Variants in CPNE2 observed in about 807,000 individuals in gnomAD.
CPNE2 encodes the protein copine-2.
A neutral mutation model predicts 69.7 loss-of-function variants in CPNE2; 42 were observed. That is an observed-to-expected ratio of 0.60 (90% CI 0.47 to 0.78). CPNE2 has a LOEUF of 0.78. Among genes scored for constraint, CPNE2 ranks in the 30% least tolerant of loss-of-function variants. The probability of loss-of-function intolerance (pLI) is 0.00; values close to 1 mark genes in which losing one functional copy is unlikely to be tolerated. For synonymous variants in CPNE2, 294 were observed against 289.8 expected (o/e 1.01, Z -0.15); for missense variants, 587 against 732.0 (o/e 0.80, Z 2.29).
At chr16:57,115,887 C>T (rs528705513) in intron 4 of CPNE2, among the ~76,000 whole-genome samples, 30 of 152,364 alleles carry the variant, frequency 2.0e-4, no homozygotes, top group African/African-American at 7.0e-4. Context: ...TGCGCAACGA[C>T]TCCCGCGATG....
At chr16:57,114,610 A>T (rs2069704257) in intron 3 of CPNE2, among the ~76,000 whole-genome samples, 1 of 152,182 alleles carries the variant, frequency 6.6e-6, no homozygotes, top group African/African-American at 2.4e-5. Context: ...GGACTAGATC[A>T]TACTGATGTG....
rs118152896 is a variant in CPNE2, at chr16:57,112,025, G to A, written c.180+1103G>A. On this transcript the variant is annotated intron_variant, in intron 2 of 15. Coordinates refer to ENST00000290776, the MANE Select transcript of CPNE2 (RefSeq NM_152727.6). ...TCCAGCCTTCCAGATGGCTTTATAT[G>A]CATGTATATTTCCCAAAATATGTGT... 6.8e-3 allele frequency among the ~76,000 whole-genome samples: 1,043 copies of A among 152,298 alleles called. 4 individuals are homozygous for A. Among genetic ancestry groups the A allele is most frequent in the Non-Finnish European group, 9.4e-3 (636 of 68,020 alleles).
chr16:57,109,752 T>C (rs2069669082), intron 1 of CPNE2, among the ~76,000 whole-genome samples: 1 of 152,228 alleles, frequency 6.6e-6, no homozygotes, highest in Admixed American at 6.5e-5. Context: ...CTGGCTTCTT[T>C]ACTGCAGCCT....
intron 1 of CPNE2, among the ~76,000 whole-genome samples, chr16:57,101,055 A>G (rs2069610004): frequency 6.6e-6 from 1 of 152,194 alleles, no homozygotes; most frequent in South Asian, 2.1e-4. Flanking sequence ...CTTACCCTCC[A>G]TTATGTGTGG....
In CPNE2 at chr16:57,134,807, C is replaced by T. The variant is rs747706229; in HGVS notation, c.1149C>T (p.Pro383=). 1.2e-6 allele frequency: 2 copies of T among 1,613,978 alleles called. No individual in the cohort carries two copies. Among genetic ancestry groups the T allele is most frequent in the Non-Finnish European group, 1.7e-6 (2 of 1,179,936 alleles). ...ATGAGTTTGCCATCAACTTCAACCC[C>T]ACCAACCCCTTCTGCTCAGGTGAGT... The part of the protein sequence containing the change: ...VSHEFAINFN[P]TNPFCSGVDG... Residue 383 remains proline (P), a synonymous_variant, in exon 13 of 16, where the codon CCC becomes CCT. Coordinates refer to ENST00000290776, the MANE Select transcript of CPNE2 (RefSeq NM_152727.6).
At chr16:57,122,344 C>T (rs1453601909) in intron 9 of CPNE2, among the ~76,000 whole-genome samples, 6 of 152,200 alleles carry the variant, frequency 3.9e-5, no homozygotes, top group South Asian at 2.1e-4. Flanking sequence ...GGAGTCTGGC[C>T]GCTGCTCTCC....
chr16:57,112,151 G>A (rs1039062513), intron 2 of CPNE2, among the ~76,000 whole-genome samples: 1 of 152,192 alleles, frequency 6.6e-6, no homozygotes, highest in African/African-American at 2.4e-5. Context: ...TTCTTGTGAT[G>A]CCAAGAAAAC....
At chr16:57,119,127 C>T in intron 5 of CPNE2, 68 bp from the exon 6 acceptor site, 2 of 1,390,426 alleles carry the variant, frequency 1.4e-6, no homozygotes, top group South Asian at 2.4e-5. Context: ...GCAGCAGGGC[C>T]ACACCCCCAT....
chr16:57,128,413 T>G (rs1229992564), intron 12 of CPNE2, among the ~76,000 whole-genome samples: 3 of 152,010 alleles, frequency 2.0e-5, no homozygotes, highest in African/African-American at 7.3e-5. Context: ...GTATTTTTAG[T>G]AGAGAGTTTT....
Position 57,146,416 on chromosome 16 carries a change from A to G in CPNE2, c.1539+95A>G, listed in dbSNP as rs1452806991. On this transcript the variant is annotated intron_variant, in intron 15 of 15. Transcript: ENST00000290776. This position sits in a 1 kb window ranked among gnomAD's most constrained non-coding sequence, Gnocchi z 4.4. ...GAGAGTCTTGGGGTTGTCTGGCCCA[A>G]TCCTAGACTTCTCCACTCCATTGAC... 2 of 1,059,550 alleles carry G rather than the reference A, an allele frequency of 1.9e-6. No individual in the cohort carries two copies. The highest frequency in any genetic ancestry group is 1.6e-5 in the African/African-American group (1 of 63,124). The allele number at this position is 1,059,550 out of a possible 1,614,324, so 65.6% of individuals were successfully genotyped here. A position where few individuals can be genotyped will look rare whatever the true frequency, so the allele number is the denominator to read the frequency against.
rs904771544 is a variant in CPNE2, at chr16:57,146,663, G to A, written c.1539+342G>A. 1 of 242,340 alleles carries A rather than the reference G, an allele frequency of 4.1e-6. No homozygotes were observed. The highest frequency in any genetic ancestry group is 8.1e-6 in the Non-Finnish European group (1 of 123,782). The allele number at this position is 242,340 out of a possible 1,614,324, so 15.0% of individuals were successfully genotyped here. A position where few individuals can be genotyped will look rare whatever the true frequency, so the allele number is the denominator to read the frequency against. On this transcript the variant is annotated intron_variant, in intron 15 of 15. Coordinates refer to ENST00000290776, the MANE Select transcript of CPNE2 (RefSeq NM_152727.6). This position sits in a 1 kb window ranked among gnomAD's most constrained non-coding sequence, Gnocchi z 4.4. ...CCATGTGGTGTAAAGTGCAGGAGGAGAGAGGGGTTTTCCTGATCATCACGC... is the reference window on the plus strand; with the variant it reads ...CCATGTGGTGTAAAGTGCAGGAGGAAAGAGGGGTTTTCCTGATCATCACGC...
At chr16:57,110,978 G>C (rs1371012871) in intron 2 of CPNE2, 56 bp downstream of exon 2, 2 of 1,526,998 alleles carry the variant, frequency 1.3e-6, no homozygotes, top group Non-Finnish European at 8.9e-7. Context: ...CTGCTGGGGA[G>C]GGGGAGTCTC....
chr16:57,102,237 A>G (rs770960943), intron 1 of CPNE2, among the ~76,000 whole-genome samples: 10 of 152,126 alleles, frequency 6.6e-5, no homozygotes, highest in Non-Finnish European at 1.3e-4. Flanking sequence ...GGAGTGAGCC[A>G]CCGCACCCGC....
Position 57,125,938 on chromosome 16 carries a change from A to G in CPNE2, c.1006A>G (p.Asn336Asp), listed in dbSNP as rs1254139067. The G allele has an allele frequency of 6.2e-7, 1 of 1,614,180 alleles. No individual in the cohort carries two copies. Among genetic ancestry groups the G allele is most frequent in the Admixed American group, 1.7e-5 (1 of 60,020 alleles). Reference protein sequence around the residue: ...SLHYINPMGTNEYLSAIWAVG... With the variant: ...SLHYINPMGTDEYLSAIWAVG... ...GCACTATATCAACCCTATGGGCACC[A>G]ACGAATATCTGTCGGCCATCTGGGC... The change falls in exon 11 of 16, where the codon AAC becomes GAC. Residue 336 changes from asparagine to aspartate, a missense_variant. Physicochemically the swap from Asn to Asp is conservative, Grantham distance 23 (BLOSUM62 1). This residue lies in a region of CPNE2 where 269 missense variants were observed against 300.5 expected (regional missense o/e 0.90). Transcript: ENST00000290776.
intron 3 of CPNE2, among the ~76,000 whole-genome samples, chr16:57,114,934 CA>C (rs55845635): frequency 0.011 from 420 of 39,050 alleles, 2 homozygotes; most frequent in Admixed American, 0.078. Context: ...TTGTCTCTAC[CA>C]AAAAAAAAAA....
chr16:57,142,114 T>A (rs1052381080), intron 14 of CPNE2: 1 of 152,272 alleles, frequency 6.6e-6, no homozygotes. Flanking sequence ...AACCAACTTC[T>A]GTGTAGCACT....
chr16:57,099,607 CT>C (rs148925934), intron 1 of CPNE2, among the ~76,000 whole-genome samples: 25 of 144,050 alleles, frequency 1.7e-4, no homozygotes, highest in Admixed American at 1.4e-4. Flanking sequence ...GTGCATAGTG[CT>C]TTTTTTTTTA....
intron 2 of CPNE2, among the ~76,000 whole-genome samples, chr16:57,112,494 G>A (rs911902309): frequency 3.3e-5 from 5 of 151,756 alleles, no homozygotes; most frequent in African/African-American, 9.7e-5. Flanking sequence ...GACCTCCTCC[G>A]TCCCTGCTGC....
intron 7 of CPNE2, among the ~76,000 whole-genome samples, chr16:57,120,078 G>C (rs1020997490): frequency 6.6e-5 from 10 of 151,150 alleles, no homozygotes; most frequent in Non-Finnish European, 1.5e-4. Flanking sequence ...TTCAAGACCA[G>C]CCTGGCCAAC....
Sources: gnomAD v4.1 joint callset for allele counts (sites outside exome capture counted in the v4.1 genomes callset) on GRCh38, gnomAD v4.1.1 for gene constraint, gnomAD v4.1.1 regional missense constraint, Gnocchi (gnomAD v3.1) non-coding constraint, MANE v1.5 for transcripts, NCBI Gene and HGNC (gene_info 2026-07-23, HGNC 2026-07-21) for gene names.